The following ABCC3 variants were observed in gnomAD, a reference collection of about 807,000 sequenced individuals.
ABCC3 encodes the protein ATP binding cassette subfamily C member 3.
ABCC3 carries 121 observed loss-of-function variants against 165.3 expected under a neutral mutation model. The ratio of observed to expected loss-of-function variants is 0.73; its 90% CI spans 0.63 to 0.85. ABCC3 has a LOEUF of 0.85. ABCC3 is among the 40% of genes least tolerant of loss of function. ABCC3 has a pLI of 0.00. For synonymous variants in ABCC3, 733 were observed against 810.1 expected, an observed-to-expected ratio of 0.90 and a Z score of 1.62; for missense variants, 1,869 against 1,964.1, an observed-to-expected ratio of 0.95 and a Z score of 0.92.
intron 7 of ABCC3, 117 bp downstream of exon 7, chr17:50,659,485 A>G (rs1464969387): frequency 1.6e-6 from 2 of 1,285,448 alleles, no homozygotes; most frequent in Non-Finnish European, 2.1e-6. Context: ...GAGCAGGACC[A>G]GGTGATTTCT....
chr17:50,677,980 G>A, intron 24 of ABCC3, 37 bp downstream of exon 24: 1 of 1,614,010 alleles, frequency 6.2e-7, no homozygotes, highest in Non-Finnish European at 8.5e-7. Flanking sequence ...GCTCCTCCAG[G>A]AATTCCCAGC....
chr17:50,654,971 G>A (rs1382789899), intron 1 of ABCC3, among the ~76,000 whole-genome samples: 2 of 151,068 alleles, frequency 1.3e-5, no homozygotes, highest in Non-Finnish European at 2.9e-5. Flanking sequence ...GTAGTGGTGG[G>A]CACCTGTAGT....
chr17:50,658,314 A>AAAG, intron 5 of ABCC3, 107 bp downstream of exon 5: 1 of 1,585,880 alleles, frequency 6.3e-7, no homozygotes, highest in Non-Finnish European at 8.7e-7. Context: ...GAGAGAGGTC[A>AAAG]TCCCCACAAT....
In ABCC3 at chr17:50,654,136, A is replaced by T. The variant is rs144872354; in HGVS notation, c.46-1696A>T. On this transcript the variant is annotated intron_variant, in intron 1 of 30. Transcript: ENST00000285238. Reference sequence around the variant, plus strand: ...CAGAAAAAAGAAAATTCAAAGATGTATGAGCATGCATAACTTTGATAAAAA... The same window carrying T: ...CAGAAAAAAGAAAATTCAAAGATGTTTGAGCATGCATAACTTTGATAAAAA... Among the ~76,000 whole-genome samples the T allele has an allele frequency of 1.5e-3, 226 of 152,382 alleles. 2 individuals are homozygous for T. Among genetic ancestry groups the T allele is most frequent in the African/African-American group, 5.0e-3 (206 of 41,592 alleles).
rs759129594 is a variant in ABCC3 at position 50,675,935 on chromosome 17, C to T, written c.2912C>T (p.Thr971Met). 1.9e-5 allele frequency: 31 copies of T among 1,614,046 alleles called. No homozygotes were observed. The highest frequency in any genetic ancestry group is 6.7e-5 in the African/African-American group (5 of 74,924). ...GCCAAGGCCGTGGGGCTCTGTACCA[C>T]GCTGGCCATCTGTCTCCTGTATGTG... is the stretch of plus-strand genomic sequence containing the variant. ...DYAKAVGLCT[T>M]LAICLLYVGQ... The change falls in exon 22 of 31, where the codon ACG becomes ATG. Residue 971 changes from threonine to methionine, a missense_variant. Transcript: ENST00000285238.
chr17:50,686,724 T>A (rs576598937), intron 29 of ABCC3, among the ~76,000 whole-genome samples: 1 of 152,288 alleles, frequency 6.6e-6, no homozygotes, highest in African/African-American at 2.4e-5. Flanking sequence ...GTATAACCTG[T>A]GTCCTGTGCC....
At chr17:50,635,079 C>T (rs2054165954) in intron 1 of ABCC3, 98 bp downstream of exon 1, 6 of 1,209,722 alleles carry the variant, frequency 5.0e-6, no homozygotes, top group Non-Finnish European at 6.2e-6. Context: ...GGCAGGTATC[C>T]CGGGACGGAG....
At chr17:50,690,118 C>T (rs966530758) in intron 30 of ABCC3, among the ~76,000 whole-genome samples, 4 of 152,028 alleles carry the variant, frequency 2.6e-5, no homozygotes, top group East Asian at 1.9e-4. Flanking sequence ...AGGTAGGGAG[C>T]GAGCTGAAAA....
rs1163741242 is a variant in ABCC3, at chr17:50,674,034, CTCTTTCTT to C, written c.2599+410_2599+417del. On this transcript the variant is annotated intron_variant, in intron 19 of 30. Transcript: ENST00000285238. ...TCTCTCTCTCTCTCTCTCTCTCTCT[CTCTTTCTT>C]TCTTTCTTTCTTTCTTTCTTTCTTT... is the stretch of plus-strand genomic sequence containing the variant. Among the ~76,000 whole-genome samples the C allele has an allele frequency of 2.7e-3, 12 of 4,504 alleles. 1 individual carries two copies. Among genetic ancestry groups the C allele is most frequent in the African/African-American group, 0.012 (8 of 658 alleles). The allele number at this position is 4,504 out of a possible 152,430, so 3.0% of individuals were successfully genotyped here. A position where few individuals can be genotyped will look rare whatever the true frequency, so the allele number is the denominator to read the frequency against.
chr17:50,635,131 C>T, intron 1 of ABCC3, 150 bp downstream of exon 1: 1 of 883,004 alleles, frequency 1.1e-6, no homozygotes, highest in Non-Finnish European at 1.5e-6. Context: ...GCGATGGGCT[C>T]GGGAGGGAGG....
At chr17:50,635,194 C>A in intron 1 of ABCC3, 1 of 626,668 alleles carries the variant, frequency 1.6e-6, no homozygotes, top group Non-Finnish European at 2.8e-6. Context: ...ACCTGCCCTG[C>A]TCTGCCCTTC....
In ABCC3 at chr17:50,673,016, C is replaced by T. The variant is rs770699096; in HGVS notation, c.2287C>T (p.Arg763Ter). The T allele has an allele frequency of 9.9e-6, 16 of 1,613,980 alleles. No individual in the cohort carries two copies. Among genetic ancestry groups the T allele is most frequent in the African/African-American group, 2.7e-5 (2 of 74,906 alleles). ...GGQRQRVSLA[R>*]AVYSDADIFL... The stretch of plus-strand genomic sequence containing the variant: ...CCAGCGGCAGCGGGTCAGTCTGGCT[C>T]GAGCTGTTTACAGTGATGCCGATAT... The change falls in exon 18 of 31, where the codon CGA (arginine) becomes TGA (stop). Residue 763 changes from arginine to a stop codon, truncating the protein, a stop_gained. Transcript: ENST00000285238. LOFTEE classifies it high-confidence loss of function.
At chr17:50,668,386 T>C in intron 13 of ABCC3, 44 bp from the exon 14 acceptor site, 3 of 1,559,244 alleles carry the variant, frequency 1.9e-6, no homozygotes, top group Non-Finnish European at 2.7e-6. Flanking sequence ...GGGTTGGGGG[T>C]TGGGAAAGTA....
chr17:50,653,188 A>G (rs1264283387), intron 1 of ABCC3, among the ~76,000 whole-genome samples: 1 of 151,600 alleles, frequency 6.6e-6, no homozygotes, highest in Admixed American at 6.6e-5. Flanking sequence ...TCTACTAAAA[A>G]TACAAAAATT....
chr17:50,676,615 G>A lies in ABCC3; in HGVS notation c.3378+27G>A, dbSNP rs11568595. 4.2e-3 allele frequency: 6,599 copies of A among 1,575,964 alleles called. 195 individuals are homozygous for A. The African/African-American group carries it at 0.07, about 17-fold the overall frequency. Reference sequence around the variant, plus strand: ...TGTGGGGTGGGCGTGATTCCAGTGTGGGCGTGGTGTTATTGGGGCGGGGCA... The same window carrying A: ...TGTGGGGTGGGCGTGATTCCAGTGTAGGCGTGGTGTTATTGGGGCGGGGCA... On this transcript the variant is annotated intron_variant, in intron 23 of 30. Transcript: ENST00000285238.
At chr17:50,640,575 G>A (rs1048126969) in intron 1 of ABCC3, among the ~76,000 whole-genome samples, 1 of 152,208 alleles carries the variant, frequency 6.6e-6, no homozygotes, top group Non-Finnish European at 1.5e-5. Flanking sequence ...CTGGAGTGCA[G>A]TGGCGTGATC....
rs761383079 is a variant in ABCC3, at chr17:50,657,193, G to A, written c.486+10G>A. On this transcript the variant is annotated intron_variant, in intron 4 of 30. Coordinates refer to ENST00000285238, the MANE Select transcript of ABCC3 (RefSeq NM_003786.4). ...TTTAGCCAAGGCAGAGGTAAGGTTG[G>A]GGGAGAGGGGAACCTGCCAGGTTTA... 1 of 1,612,748 alleles carries A rather than the reference G, an allele frequency of 6.2e-7. No individual in the cohort carries two copies.
intron 23 of ABCC3, among the ~76,000 whole-genome samples, chr17:50,677,133 C>T (rs561607103): frequency 9.6e-4 from 146 of 152,346 alleles, no homozygotes; most frequent in African/African-American, 3.5e-3. Context: ...CCGCCCACCT[C>T]GGCCTCCCAA....
intron 1 of ABCC3, among the ~76,000 whole-genome samples, chr17:50,640,053 C>T (rs934611880): frequency 9.2e-5 from 14 of 152,246 alleles, no homozygotes; most frequent in African/African-American, 3.4e-4. Context: ...CGTGAGCCAC[C>T]GCATTCAGCC....
Sources: allele counts gnomAD v4.1 joint callset (sites outside exome capture counted in the v4.1 genomes callset), GRCh38; gene constraint gnomAD v4.1.1; transcripts MANE v1.5; gene names NCBI Gene and HGNC (gene_info 2026-07-23, HGNC 2026-07-21).